SGCZ: variants seen among roughly 807,000 people sequenced by gnomAD.
The protein encoded by SGCZ is zeta-sarcoglycan.
A neutral mutation model predicts 41.3 loss-of-function variants in SGCZ; 40 were observed. That is an observed-to-expected ratio of 0.97 (90% CI 0.75 to 1.26). The LOEUF is 1.26. SGCZ is among the 50% of genes most tolerant of loss of function. SGCZ has a pLI of 0.00. For synonymous variants in SGCZ, 206 were observed against 137.5 expected (o/e 1.50, Z -3.49); for missense variants, 552 against 369.8 (o/e 1.49, Z -4.04).
intron 4 of SGCZ, among the ~76,000 whole-genome samples, chr8:14,167,821 G>GC (rs1585196026): frequency 6.6e-6 from 1 of 152,200 alleles, no homozygotes; most frequent in East Asian, 1.9e-4. Context: ...TTAATCAACA[G>GC]CCAAAGTCAT....
intron 6 of SGCZ, among the ~76,000 whole-genome samples, chr8:14,103,154 T>TACAAGTACAAATGCGATTGAAG (rs1434299776): frequency 1.3e-5 from 2 of 151,928 alleles, no homozygotes; most frequent in Non-Finnish European, 2.9e-5. Flanking sequence ...GAGGGTAATA[T>TACAAGTACAAATGCGATTGAAG]ACAAGTACAA....
chr8:14,893,561 T>C (rs938700049), intron 1 of SGCZ, among the ~76,000 whole-genome samples: 1 of 152,194 alleles, frequency 6.6e-6, no homozygotes, highest in Non-Finnish European at 1.5e-5. Flanking sequence ...AGACTGTGAA[T>C]AATTAACAAC....
At chr8:15,046,922 T>A (rs1441878024) in intron 1 of SGCZ, among the ~76,000 whole-genome samples, 3 of 152,004 alleles carry the variant, frequency 2.0e-5, no homozygotes, top group African/African-American at 4.8e-5. Context: ...CATCTTAGAA[T>A]ATACAGGAAA....
intron 1 of SGCZ, among the ~76,000 whole-genome samples, chr8:14,581,813 C>T (rs62498442): frequency 0.17 from 25,910 of 151,872 alleles, 2,706 homozygotes; most frequent in Non-Finnish European, 0.23. Context: ...CTGAAGTATA[C>T]TACTTCAAAA....
intron 1 of SGCZ, among the ~76,000 whole-genome samples, chr8:15,197,913 TATAG>T (rs1170033051): frequency 6.6e-6 from 1 of 151,218 alleles, no homozygotes; most frequent in Non-Finnish European, 1.5e-5. Flanking sequence ...CGTGTATATA[TATAG>T]ATACACATAC....
chr8:14,442,317 T>C (rs7831470), intron 2 of SGCZ, among the ~76,000 whole-genome samples: 2,010 of 152,014 alleles, frequency 0.013, 22 homozygotes, highest in African/African-American at 0.028. Context: ...TAAAAGGGAG[T>C]TCCCTTGCAC....
chr8:14,829,971 C>T (rs1401028190), intron 1 of SGCZ, among the ~76,000 whole-genome samples: 1 of 152,062 alleles, frequency 6.6e-6, no homozygotes, highest in Admixed American at 6.6e-5. Context: ...GCACCACGCC[C>T]GGCTAATTTT....
At chr8:14,686,611 AT>A (rs1340349027) in intron 1 of SGCZ, among the ~76,000 whole-genome samples, 4 of 152,080 alleles carry the variant, frequency 2.6e-5, no homozygotes, top group Non-Finnish European at 5.9e-5. Flanking sequence ...GATCATGGCT[AT>A]TATTAAGTAG....
intron 2 of SGCZ, among the ~76,000 whole-genome samples, chr8:14,382,408 CA>C (rs1215742464): frequency 6.6e-6 from 1 of 150,530 alleles, no homozygotes; most frequent in Non-Finnish European, 1.5e-5. Context: ...TGGTCACTAA[CA>C]AAAAAATTTA....
chr8:14,127,456 CTATT>C lies in SGCZ; in HGVS notation c.548-19225_548-19222del, dbSNP rs780262363. 1.6e-4 allele frequency among the ~76,000 whole-genome samples: 24 copies of C among 151,886 alleles called. No homozygotes were observed. The East Asian group carries it at 2.3e-3, about 15-fold the overall frequency. ...GTGATTTATTTATTCATTTTTATTT[CTATT>C]TATTTATTTTTTTGATACTGAGTCT... On this transcript the variant is annotated intron_variant, in intron 5 of 7. Transcript: ENST00000382080.
intron 2 of SGCZ, among the ~76,000 whole-genome samples, chr8:14,494,729 C>A (rs993003817): frequency 1.3e-5 from 2 of 152,158 alleles, no homozygotes; most frequent in Non-Finnish European, 2.9e-5. Context: ...ACTACAACAT[C>A]AGTAGACTTG....
chr8:14,177,533 GGAGTCTCGTGCT>G (rs1804579319), intron 4 of SGCZ, among the ~76,000 whole-genome samples: 3 of 151,954 alleles, frequency 2.0e-5, no homozygotes, highest in Non-Finnish European at 2.9e-5. Context: ...TTTTTGAGAC[GGAGTCTCGTGCT>G]GTCACCCAGG....
chr8:14,677,703 A>G (rs1808319384), intron 1 of SGCZ, among the ~76,000 whole-genome samples: 2 of 152,148 alleles, frequency 1.3e-5, no homozygotes, highest in Admixed American at 6.5e-5. Flanking sequence ...CCTGGGAGGC[A>G]GAGGTTGCAG....
chr8:14,281,856 A>G (rs923045931), intron 3 of SGCZ, among the ~76,000 whole-genome samples: 1 of 60,026 alleles, frequency 1.7e-5, no homozygotes, highest in African/African-American at 4.4e-5. Context: ...AGTTTGTCAG[A>G]ACCATACTGT....
intron 3 of SGCZ, among the ~76,000 whole-genome samples, chr8:14,296,420 G>C (rs1326108813): frequency 6.6e-6 from 1 of 152,014 alleles, no homozygotes; most frequent in Non-Finnish European, 1.5e-5. Flanking sequence ...TTTATATGAA[G>C]GATTAAAGTA....
intron 2 of SGCZ, among the ~76,000 whole-genome samples, chr8:14,448,514 C>T (rs765731726): frequency 2.0e-5 from 3 of 152,100 alleles, no homozygotes; most frequent in Non-Finnish European, 2.9e-5. Context: ...TTACTTTTGT[C>T]TATGGGAATT....
intron 1 of SGCZ, among the ~76,000 whole-genome samples, chr8:15,068,050 G>C (rs751813969): frequency 6.6e-6 from 1 of 152,178 alleles, no homozygotes; most frequent in Non-Finnish European, 1.5e-5. Flanking sequence ...TAGAGTGGTT[G>C]GGTCATAGGA....
At chr8:14,730,804 C>A (rs2130236733) in intron 1 of SGCZ, among the ~76,000 whole-genome samples, 1 of 151,934 alleles carries the variant, frequency 6.6e-6, no homozygotes, top group East Asian at 1.9e-4. Context: ...TTAATAATTA[C>A]ATTTTGCAAT....
chr8:14,340,545 A>G (rs1212601725), intron 2 of SGCZ, among the ~76,000 whole-genome samples: 2 of 152,148 alleles, frequency 1.3e-5, no homozygotes, highest in Non-Finnish European at 2.9e-5. Context: ...TTTTATCTCC[A>G]GAATTTATCG....
Sources: allele counts gnomAD v4.1 joint callset (sites outside exome capture counted in the v4.1 genomes callset), GRCh38; gene constraint gnomAD v4.1.1; transcripts MANE v1.5; gene names NCBI Gene and HGNC (gene_info 2026-07-23, HGNC 2026-07-21).